ACTR3C: variants seen among roughly 807,000 people sequenced by gnomAD.
ACTR3C encodes the protein actin related protein 3C, also known as actin-related protein 3C.
In ACTR3C, 18 loss-of-function variants were observed where a neutral mutation model predicts 26.3. The ratio of observed to expected loss-of-function variants is 0.68; its 90% CI spans 0.47 to 1.01. The LOEUF is 1.01. ACTR3C is among the 50% of genes least tolerant of loss of function. The probability of loss-of-function intolerance (pLI) is 0.00; values close to 1 mark genes in which losing one functional copy is unlikely to be tolerated. For synonymous variants in ACTR3C, 55 were observed against 94.5 expected (o/e 0.58, Z 2.42); for missense variants, 184 against 250.7 (o/e 0.73, Z 1.80).
chr7:150,127,754 T>G, the ACTR3C span, among the ~76,000 whole-genome samples: 2 of 151,952 alleles, frequency 1.3e-5, no homozygotes, highest in African/African-American at 4.8e-5. Context: ...GTAAACCTAC[T>G]TTCCTCTATG....
chr7:150,161,596 C>T, the ACTR3C span, among the ~76,000 whole-genome samples: 1 of 152,108 alleles, frequency 6.6e-6, no homozygotes, highest in African/African-American at 2.4e-5. Flanking sequence ...GCCACATTTT[C>T]ATAATCCAGT....
the ACTR3C span, among the ~76,000 whole-genome samples, chr7:150,110,511 C>CCAAGGGGCAAAACTGT: frequency 1.7e-5 from 1 of 60,592 alleles, no homozygotes; most frequent in Admixed American, 1.6e-4. Flanking sequence ...GGTGGGGCTG[C>CCAAGGGGCAAAACTGT]CTGAGGGTGG....
At chr7:150,258,800 T>C (rs1833419791) in intron 6 of ACTR3C, among the ~76,000 whole-genome samples, 1 of 150,844 alleles carries the variant, frequency 6.6e-6, no homozygotes, top group Non-Finnish European at 1.5e-5. Flanking sequence ...CTGTTATGTC[T>C]CCATTTAACT....
At chr7:150,022,381 A>G in the ACTR3C span, among the ~76,000 whole-genome samples, 1 of 151,206 alleles carries the variant, frequency 6.6e-6, no homozygotes, top group Non-Finnish European at 1.5e-5. Flanking sequence ...ACTGTGTCAG[A>G]TACATAGTTT....
the ACTR3C span, among the ~76,000 whole-genome samples, chr7:150,094,458 T>C: frequency 6.7e-6 from 1 of 150,276 alleles, no homozygotes; most frequent in Non-Finnish European, 1.5e-5. Flanking sequence ...TGTTGGTTAC[T>C]GTTTATCTGT....
chr7:150,130,967 A>C, the ACTR3C span, among the ~76,000 whole-genome samples: 1 of 152,218 alleles, frequency 6.6e-6, no homozygotes, highest in Non-Finnish European at 1.5e-5. Context: ...CTGATTTCCG[A>C]GGGCTGGGGT....
chr7:150,026,709 T>C, the ACTR3C span, among the ~76,000 whole-genome samples: 1 of 152,112 alleles, frequency 6.6e-6, no homozygotes. Context: ...TTAGCTATTT[T>C]CCTTAAGAAT....
the ACTR3C span, among the ~76,000 whole-genome samples, chr7:150,100,673 T>A: frequency 6.6e-6 from 1 of 150,444 alleles, no homozygotes; most frequent in Non-Finnish European, 1.5e-5. Flanking sequence ...ATATATATAT[T>A]TTCCACCTTT....
the ACTR3C span, among the ~76,000 whole-genome samples, chr7:149,936,015 T>C: frequency 2.6e-5 from 4 of 152,168 alleles, no homozygotes; most frequent in African/African-American, 9.7e-5. Flanking sequence ...TGTCAGCGGT[T>C]TTGCATGTTT....
chr7:150,147,961 CAT>C, the ACTR3C span, among the ~76,000 whole-genome samples: 1 of 147,764 alleles, frequency 6.8e-6, no homozygotes, highest in Non-Finnish European at 1.5e-5. Flanking sequence ...ACACAGGACA[CAT>C]AGAGGGGAAC....
the ACTR3C span, among the ~76,000 whole-genome samples, chr7:150,005,956 A>C: frequency 5.9e-5 from 9 of 152,190 alleles, no homozygotes; most frequent in Non-Finnish European, 8.8e-5. Flanking sequence ...TCTGCTCAAC[A>C]GAAAGCCATA....
chr7:150,009,667 C>A, the ACTR3C span, among the ~76,000 whole-genome samples: 1 of 152,134 alleles, frequency 6.6e-6, no homozygotes, highest in African/African-American at 2.4e-5. Context: ...ACCAGAGGAC[C>A]TTTTAAACTA....
chr7:150,152,534 T>A, the ACTR3C span, among the ~76,000 whole-genome samples: 1 of 152,204 alleles, frequency 6.6e-6, no homozygotes, highest in East Asian at 1.9e-4. Context: ...CTGCTGGATT[T>A]GGTTTGCCAG....
chr7:150,159,951 T>C, the ACTR3C span, among the ~76,000 whole-genome samples: 1 of 152,200 alleles, frequency 6.6e-6, no homozygotes, highest in South Asian at 2.1e-4. Context: ...CCTGCCATCA[T>C]GCCTGGCTAA....
the ACTR3C span, among the ~76,000 whole-genome samples, chr7:150,237,470 G>A: frequency 2.6e-5 from 4 of 151,812 alleles, no homozygotes; most frequent in African/African-American, 9.7e-5. Context: ...TAACTTTGAG[G>A]CACATGTCCC....
chr7:150,151,445 C>T, the ACTR3C span, among the ~76,000 whole-genome samples: 1 of 136,778 alleles, frequency 7.3e-6, no homozygotes, highest in African/African-American at 2.5e-5. Context: ...TTTAGAATGC[C>T]AATTTGTGCA....
the ACTR3C span, among the ~76,000 whole-genome samples, chr7:150,157,419 A>G: frequency 6.7e-6 from 1 of 150,300 alleles, no homozygotes; most frequent in Non-Finnish European, 1.5e-5. Context: ...AACAACCCTG[A>G]GAAGAGAGTG....
chr7:150,090,209 T>C, the ACTR3C span, among the ~76,000 whole-genome samples: 1 of 152,238 alleles, frequency 6.6e-6, no homozygotes, highest in African/African-American at 2.4e-5. Flanking sequence ...AAATAAATAA[T>C]TCTCGTTTAA....
chr7:150,068,537 G>A, the ACTR3C span, among the ~76,000 whole-genome samples: 1 of 151,924 alleles, frequency 6.6e-6, no homozygotes, highest in African/African-American at 2.4e-5. Context: ...CACTTTGGGA[G>A]GCTGACGCGG....
Sources: gnomAD v4.1 joint callset for allele counts (sites outside exome capture counted in the v4.1 genomes callset) on GRCh38, gnomAD v4.1.1 for gene constraint, MANE v1.5 for transcripts, NCBI Gene and HGNC (gene_info 2026-07-23, HGNC 2026-07-21) for gene names.